Variants in GRIA4 observed in about 807,000 individuals in gnomAD.
GRIA4 encodes the protein glutamate receptor 4.
In GRIA4, 34 loss-of-function variants were observed where a neutral mutation model predicts 104.0. The observed-to-expected ratio is 0.33, with a 90% CI of 0.25 to 0.44. The LOEUF is 0.44. GRIA4 is among the 20% of genes least tolerant of loss of function. The probability of loss-of-function intolerance (pLI) is 1.00; values close to 1 mark genes in which losing one functional copy is unlikely to be tolerated. For synonymous variants in GRIA4, 386 were observed against 381.9 expected, an observed-to-expected ratio of 1.01 and a Z score of -0.13; for missense variants, 750 against 1,096.5, an observed-to-expected ratio of 0.68 and a Z score of 4.46.
chr11:105,869,046 C>T (rs1945525273), intron 5 of GRIA4, among the ~76,000 whole-genome samples: 1 of 152,168 alleles, frequency 6.6e-6, no homozygotes, highest in East Asian at 1.9e-4. Context: ...TGGACTAGTG[C>T]AAATGGAATT....
intron 14 of GRIA4, among the ~76,000 whole-genome samples, chr11:105,946,594 T>A (rs1179044617): frequency 6.6e-6 from 1 of 151,030 alleles, no homozygotes; most frequent in Non-Finnish European, 1.5e-5. Context: ...TCAAAAAAAA[T>A]AAATAAAAGC....
Position 105,926,843 on chromosome 11 carries a change from A to C in GRIA4, c.1950A>C (p.Arg650=), listed in dbSNP as rs760937749. 6.2e-7 allele frequency: 1 copy of C among 1,611,144 alleles called. No individual in the cohort carries two copies. Among genetic ancestry groups the C allele is most frequent in the Non-Finnish European group, 8.5e-7 (1 of 1,177,576 alleles). ...ANLAAFLTVE[R]MVSPIESAED... ...TCGCTGCTTTCCTGACGGTTGAGCG[A>C]ATGGTCTCTCCCATAGAAAGTGCAG... The change falls in exon 13 of 17, where the codon CGA becomes CGC. Residue 650 remains arginine (R), a synonymous_variant. Transcript: ENST00000282499.
At chr11:105,945,056 T>C (rs1450086726) in intron 14 of GRIA4, among the ~76,000 whole-genome samples, 4 of 152,168 alleles carry the variant, frequency 2.6e-5, no homozygotes, top group Non-Finnish European at 5.9e-5. Flanking sequence ...ACTATCATTT[T>C]ACTCTCAAAA....
Position 105,678,236 on chromosome 11 carries a change from T to C in GRIA4, c.247+65802T>C, listed in dbSNP as rs370007061. 2.5e-4 allele frequency among the ~76,000 whole-genome samples: 38 copies of C among 152,188 alleles called. No individual in the cohort carries two copies. In the South Asian group the frequency reaches 7.9e-3, roughly 32 times the overall value. ...ATAATAAGAAAGTCCTCTATGAGTG[T>C]ATGCAAAGTTGACGTGGGGGCCCAA... On this transcript the variant is annotated intron_variant, in intron 3 of 16. Transcript: ENST00000282499.
intron 3 of GRIA4, among the ~76,000 whole-genome samples, chr11:105,660,555 G>A (rs1216106753): frequency 1.3e-5 from 2 of 151,588 alleles, no homozygotes; most frequent in East Asian, 3.9e-4. Flanking sequence ...TTTTAAAAAT[G>A]AAGGTATGGG....
intron 4 of GRIA4, among the ~76,000 whole-genome samples, chr11:105,808,398 G>A (rs1357121336): frequency 6.6e-6 from 1 of 152,030 alleles, no homozygotes; most frequent in Non-Finnish European, 1.5e-5. Flanking sequence ...AGAGAAGAGA[G>A]AGAAAAGGCA....
intron 5 of GRIA4, among the ~76,000 whole-genome samples, chr11:105,885,840 A>G (rs1180241736): frequency 2.0e-5 from 3 of 152,240 alleles, no homozygotes; most frequent in Non-Finnish European, 4.4e-5. Context: ...ACTTATCATA[A>G]AAGTGGCCTC....
intron 3 of GRIA4, among the ~76,000 whole-genome samples, chr11:105,724,519 C>T (rs1371210799): frequency 6.6e-6 from 1 of 151,954 alleles, no homozygotes; most frequent in African/African-American, 2.4e-5. Flanking sequence ...ATTATCTGAA[C>T]TCAAACAACT....
At chr11:105,642,604 C>G (rs1016649720) in intron 3 of GRIA4, among the ~76,000 whole-genome samples, 7 of 146,090 alleles carry the variant, frequency 4.8e-5, no homozygotes, top group Non-Finnish European at 8.9e-5. Flanking sequence ...CATCTACCCA[C>G]CAAAGTTCCA....
At chr11:105,960,074 T>G (rs1948696552) in intron 14 of GRIA4, among the ~76,000 whole-genome samples, 1 of 152,210 alleles carries the variant, frequency 6.6e-6, no homozygotes, top group Non-Finnish European at 1.5e-5. Context: ...CAACCCCTGT[T>G]GGAGGGTCTC....
chr11:105,816,831 G>C (rs1354468641), intron 4 of GRIA4, among the ~76,000 whole-genome samples: 2 of 152,056 alleles, frequency 1.3e-5, no homozygotes, highest in Non-Finnish European at 2.9e-5. Flanking sequence ...GGGCAACTTA[G>C]TGAGACCCCA....
chr11:105,710,969 T>A (rs185172084), intron 3 of GRIA4, among the ~76,000 whole-genome samples: 2 of 151,666 alleles, frequency 1.3e-5, no homozygotes, highest in African/African-American at 4.9e-5. Context: ...CTCAGAATTA[T>A]TTTTTTTCTT....
chr11:105,914,500 C>T (rs1947343372), intron 10 of GRIA4, among the ~76,000 whole-genome samples: 1 of 152,042 alleles, frequency 6.6e-6, no homozygotes, highest in Admixed American at 6.6e-5. Context: ...CCAGAAAAAT[C>T]TCCTTGGTAG....
chr11:105,906,603 A>G (rs551771481), intron 9 of GRIA4, among the ~76,000 whole-genome samples: 12 of 152,322 alleles, frequency 7.9e-5, no homozygotes, highest in Admixed American at 2.6e-4. Context: ...CGTGAAAACC[A>G]TCTCTAGATT....
At chr11:105,958,655 T>A (rs745767492) in intron 14 of GRIA4, among the ~76,000 whole-genome samples, 1 of 152,162 alleles carries the variant, frequency 6.6e-6, no homozygotes, top group Non-Finnish European at 1.5e-5. Context: ...GATTCTCTCT[T>A]TTTCTATTGA....
intron 5 of GRIA4, among the ~76,000 whole-genome samples, chr11:105,881,648 A>G (rs1315396873): frequency 1.3e-5 from 2 of 152,082 alleles, no homozygotes; most frequent in Admixed American, 1.3e-4. Context: ...GTTCTTCCTA[A>G]TTAGAAACTT....
intron 4 of GRIA4, among the ~76,000 whole-genome samples, chr11:105,825,651 A>T (rs1221812302): frequency 6.6e-6 from 1 of 151,976 alleles, no homozygotes; most frequent in Non-Finnish European, 1.5e-5. Flanking sequence ...AGATCTCCAA[A>T]CCCCTTAGGG....
Position 105,752,930 on chromosome 11 carries a change from A to G in GRIA4, c.248-51A>G, listed in dbSNP as rs772538227. ...TTTCTAGAATGTAGACTTCAAAGTC[A>G]ACAATTTGAGTGTGCTAATAGTTTG... On this transcript the variant is annotated intron_variant, in intron 3 of 16. Coordinates refer to ENST00000282499, the MANE Select transcript of GRIA4 (RefSeq NM_000829.4). The G allele has an allele frequency of 7.7e-6, 12 of 1,562,602 alleles. No individual in the cohort carries two copies. In the South Asian group the frequency reaches 1.4e-4, roughly 18 times the overall value.
At chr11:105,935,113 G>T (rs1237565581) in intron 14 of GRIA4, among the ~76,000 whole-genome samples, 1 of 152,092 alleles carries the variant, frequency 6.6e-6, no homozygotes, top group East Asian at 1.9e-4. Context: ...TATGTGTGTT[G>T]GTTTGGGAAG....
Sources: gnomAD v4.1 joint callset for allele counts (sites outside exome capture counted in the v4.1 genomes callset) on GRCh38, gnomAD v4.1.1 for gene constraint, MANE v1.5 for transcripts, NCBI Gene and HGNC (gene_info 2026-07-23, HGNC 2026-07-21) for gene names.